RNF144A: variants seen among roughly 807,000 people sequenced by gnomAD.
RNF144A encodes the protein E3 ubiquitin-protein ligase RNF144A.
RNF144A carries 11 observed loss-of-function variants against 38.7 expected under a neutral mutation model. That is an observed-to-expected ratio of 0.28 (90% confidence interval 0.18 to 0.47). The LOEUF (loss-of-function observed/expected upper bound fraction) is 0.47, where lower values mean the gene tolerates loss of function less well. Ranked by LOEUF, RNF144A falls within the 20% of genes least tolerant of loss-of-function variation. The pLI, the probability that RNF144A is intolerant of heterozygous loss-of-function variation, is 0.99. For synonymous variants in RNF144A, 149 were observed against 143.9 expected (o/e 1.04, Z -0.25); for missense variants, 316 against 377.2 (o/e 0.84, Z 1.34).
rs1261007867 is a variant in RNF144A, at chr2:7,040,414, C to T, written c.*654C>T. ...TTTTTCTTGAAACTTGCTGTAGTAA[C>T]TTTTTGAACGCTGTAAGCTGTGTAC... On this transcript the variant is annotated 3_prime_UTR_variant, in exon 9 of 9. Coordinates refer to ENST00000320892, the MANE Select transcript of RNF144A (RefSeq NM_014746.6). 2.0e-6 allele frequency: 2 copies of T among 985,328 alleles called. No homozygotes were observed. The highest frequency in any genetic ancestry group is 2.4e-6 in the Non-Finnish European group (2 of 829,962). 61.0% of individuals were successfully genotyped at this position (985,328 alleles called of 1,614,324 possible). A position where few individuals can be genotyped will look rare whatever the true frequency, so the allele number is the denominator to read the frequency against.
At chr2:6,979,616 G>A (rs1215553441) in intron 2 of RNF144A, among the ~76,000 whole-genome samples, 2 of 152,080 alleles carry the variant, frequency 1.3e-5, no homozygotes, top group African/African-American at 2.4e-5. Flanking sequence ...TTTGGTGGGG[G>A]ACCAGAAGTT....
Position 7,043,109 on chromosome 2 carries a change from C to T in RNF144A, c.*3349C>T. 1 of 831,046 alleles carries T rather than the reference C, an allele frequency of 1.2e-6. No homozygotes were observed. The highest frequency in any genetic ancestry group is 5.5e-5 in the South Asian group (1 of 18,084). 51.5% of individuals were successfully genotyped at this position (831,046 alleles called of 1,614,324 possible). On this transcript the variant is annotated 3_prime_UTR_variant, in exon 9 of 9. Coordinates refer to ENST00000320892, the MANE Select transcript of RNF144A (RefSeq NM_014746.6). The stretch of plus-strand genomic sequence containing the variant: ...TCTCAAACTCCTGACCTCAGGTGAT[C>T]TGCCCACCTCGGCTTCCCAAAGTGC...
rs1029405504 is a variant in RNF144A, at chr2:6,944,918, G to A, written c.-12+3771G>A. 1.3e-5 allele frequency among the ~76,000 whole-genome samples: 2 copies of A among 152,370 alleles called. No homozygotes were observed. The highest frequency in any genetic ancestry group is 6.5e-5 in the Admixed American group (1 of 15,310). On this transcript the variant is annotated intron_variant, in intron 2 of 8. Coordinates refer to ENST00000320892, the MANE Select transcript of RNF144A (RefSeq NM_014746.6). The surrounding 1 kb of genome is among the most constrained non-coding windows in gnomAD (Gnocchi z 4.7). ...TTTAAATGTTTAGAATTTATAAAGA[G>A]AGGTGGTTTTCATGGACTATAAAGC... is the stretch of plus-strand genomic sequence containing the variant.
At chr2:6,960,526 C>T (rs1430991643) in intron 2 of RNF144A, among the ~76,000 whole-genome samples, 4 of 152,054 alleles carry the variant, frequency 2.6e-5, no homozygotes, top group Non-Finnish European at 4.4e-5. Context: ...AACACACAAC[C>T]GGGGAAGTAT....
Position 7,040,324 on chromosome 2 carries a change from C to G in RNF144A, c.*564C>G. Reference sequence around the variant, plus strand: ...CATCCTATGCCTTTCTTGAAATGTGCATTTTAAGAAGTTATAGTTAAACGA... The same window carrying G: ...CATCCTATGCCTTTCTTGAAATGTGGATTTTAAGAAGTTATAGTTAAACGA... On this transcript the variant is annotated 3_prime_UTR_variant, in exon 9 of 9. Transcript: ENST00000320892. The G allele has an allele frequency of 1.0e-6, 1 of 985,416 alleles. No individual in the cohort carries two copies. The highest frequency in any genetic ancestry group is 1.7e-5 in the African/African-American group (1 of 57,340). The allele number at this position is 985,416 out of a possible 1,614,324, so 61.0% of individuals were successfully genotyped here.
chr2:6,930,779 AG>A (rs879580719), intron 1 of RNF144A, among the ~76,000 whole-genome samples: 1 of 151,740 alleles, frequency 6.6e-6, no homozygotes, highest in East Asian at 1.9e-4. Context: ...TTTTTTGTAG[AG>A]GGGGGGATTT....
At chr2:6,925,132 C>A (rs1350787285) in intron 1 of RNF144A, among the ~76,000 whole-genome samples, 2 of 152,190 alleles carry the variant, frequency 1.3e-5, no homozygotes, top group African/African-American at 4.8e-5. Context: ...TGAGTTGGCA[C>A]CTTAGATCTG....
chr2:6,974,430 T>A (rs775749023), intron 2 of RNF144A, among the ~76,000 whole-genome samples: 4 of 152,200 alleles, frequency 2.6e-5, no homozygotes, highest in Non-Finnish European at 5.9e-5. Flanking sequence ...TTGTACCAAA[T>A]GGGAGATAAT....
At chr2:6,923,611 G>T (rs866422377) in intron 1 of RNF144A, among the ~76,000 whole-genome samples, 1 of 152,334 alleles carries the variant, frequency 6.6e-6, no homozygotes, top group South Asian at 2.1e-4. Flanking sequence ...CAATGTGGGT[G>T]ACTGTGGAGA....
chr2:6,966,876 T>TTA (rs1667699050), intron 2 of RNF144A, among the ~76,000 whole-genome samples: 1 of 152,058 alleles, frequency 6.6e-6, no homozygotes, highest in African/African-American at 2.4e-5. Context: ...AGGTCTCTGG[T>TTA]TATATATATA....
chr2:6,949,992 C>T (rs1266616008), intron 2 of RNF144A, among the ~76,000 whole-genome samples: 1 of 152,012 alleles, frequency 6.6e-6, no homozygotes, highest in African/African-American at 2.4e-5. Flanking sequence ...ATTTAGGAGG[C>T]ATAAAAAGAT....
intron 6 of RNF144A, among the ~76,000 whole-genome samples, chr2:7,066,087 T>C (rs1005667669): frequency 4.6e-5 from 7 of 151,954 alleles, no homozygotes; most frequent in African/African-American, 1.7e-4. Context: ...CTCTTTTTTT[T>C]TTTTCTTTTT....
chr2:7,013,244 C>T (rs1572400926), intron 3 of RNF144A, among the ~76,000 whole-genome samples: 1 of 152,208 alleles, frequency 6.6e-6, no homozygotes, highest in East Asian at 1.9e-4. Context: ...GGTTAAACCA[C>T]CCTAAATTGC....
chr2:7,029,964 G>C (rs1019498072), intron 7 of RNF144A, among the ~76,000 whole-genome samples, 162 bp from the exon 8 acceptor site: 1 of 152,242 alleles, frequency 6.6e-6, no homozygotes, highest in African/African-American at 2.4e-5. Flanking sequence ...GCCTCCAGTG[G>C]CTGTGGCCAG....
chr2:6,997,458 T>C (rs775070461), intron 3 of RNF144A, among the ~76,000 whole-genome samples: 12 of 152,162 alleles, frequency 7.9e-5, no homozygotes, highest in South Asian at 2.1e-4. Context: ...GAATATTCAG[T>C]CCTCAGTGTC....
At chr2:6,936,244 C>A (rs373427608) in intron 1 of RNF144A, among the ~76,000 whole-genome samples, 1 of 152,200 alleles carries the variant, frequency 6.6e-6, no homozygotes, top group Non-Finnish European at 1.5e-5. Context: ...ATAGCACGTC[C>A]TTTCTTTACC....
rs144935141 is a variant in RNF144A, at chr2:7,043,083, C to G, written c.*3323C>G. Reference sequence around the variant, plus strand: ...GGGTTTCACCATGTTGGCCAGGCTACTCTCAAACTCCTGACCTCAGGTGAT... The same window carrying G: ...GGGTTTCACCATGTTGGCCAGGCTAGTCTCAAACTCCTGACCTCAGGTGAT... On this transcript the variant is annotated 3_prime_UTR_variant, in exon 9 of 9. Coordinates refer to ENST00000320892, the MANE Select transcript of RNF144A (RefSeq NM_014746.6). 52,845 of 661,220 alleles carry G rather than the reference C, an allele frequency of 0.08. 2,356 individuals are homozygous for G. Among genetic ancestry groups the G allele is most frequent in the Middle Eastern group, 0.18 (240 of 1,324 alleles). 41.0% of individuals were successfully genotyped at this position (661,220 alleles called of 1,614,324 possible). A position where few individuals can be genotyped will look rare whatever the true frequency, so the allele number is the denominator to read the frequency against.
chr2:6,957,726 T>A (rs1667099002), intron 2 of RNF144A, among the ~76,000 whole-genome samples: 1 of 152,258 alleles, frequency 6.6e-6, no homozygotes, highest in South Asian at 2.1e-4. Context: ...AGGCCTCTGC[T>A]GAGATCCTAG....
At chr2:7,024,250 C>T (rs1671723649) in intron 6 of RNF144A, 119 bp from the exon 7 acceptor site, 37 of 894,510 alleles carry the variant, frequency 4.1e-5, no homozygotes, top group East Asian at 2.1e-4. Context: ...TTTGTTTTTT[C>T]ATTTAATACC....
Sources: gnomAD v4.1 joint callset for allele counts (sites outside exome capture counted in the v4.1 genomes callset) on GRCh38, gnomAD v4.1.1 for gene constraint, Gnocchi (gnomAD v3.1) non-coding constraint, MANE v1.5 for transcripts, NCBI Gene and HGNC (gene_info 2026-07-23, HGNC 2026-07-21) for gene names.